NEK5: variants seen among roughly 807,000 people sequenced by gnomAD.
NEK5 encodes the protein serine/threonine-protein kinase Nek5.
NEK5 carries 88 observed loss-of-function variants against 109.2 expected under a neutral mutation model. That is an observed-to-expected ratio of 0.81 (90% CI 0.68 to 0.96). The LOEUF (loss-of-function observed/expected upper bound fraction) is 0.96. Among genes scored for constraint, NEK5 ranks in the 40% least tolerant of loss-of-function variants. The pLI is 0.00. For synonymous variants in NEK5, 283 were observed against 299.9 expected (o/e 0.94, Z 0.58); for missense variants, 834 against 920.7 (o/e 0.91, Z 1.22).
rs1201919281 is a variant in NEK5, at chr13:52,128,258, G to T, written c.-90-596C>A. Among the ~76,000 whole-genome samples the T allele has an allele frequency of 2.6e-5, 4 of 152,018 alleles. No individual in the cohort carries two copies. In the East Asian group the frequency reaches 7.7e-4, roughly 29 times the overall value. On this transcript the variant is annotated intron_variant, in intron 1 of 23. Coordinates refer to ENST00000684899, the MANE Select transcript of NEK5 (RefSeq NM_001365552.1). ...GGCTTGATTGCACTTCGGTTTGGAG[G>T]TTTACCAAGAATTGTTCACCATTTG...
Position 52,083,261 on chromosome 13 carries a change from T to G in NEK5, c.1571A>C (p.Gln524Pro). 1 of 1,602,690 alleles carries G rather than the reference T, an allele frequency of 6.2e-7. No individual in the cohort carries two copies. ...ACATCTGATCATAGCCATCATTACC[T>G]GCACAGGTGCTTCTCCCTCAGATGC... Reference protein sequence around the residue: ...QDASEGEAPVQDIEKDLKQMR... With the variant: ...QDASEGEAPVPDIEKDLKQMR... The change falls in exon 17 of 24, where the codon CAG becomes CCG. Residue 524 changes from glutamine (Q) to proline (P), a missense_variant and splice_region_variant. By Grantham distance (76) the Gln-to-Pro change is moderately conservative. This residue lies in a region of NEK5 where 777 missense variants were observed against 824.7 expected (regional missense o/e 0.94). Transcript: ENST00000684899.
chr13:52,064,270 T>A (rs1466749057), intron 21 of NEK5, among the ~76,000 whole-genome samples: 1 of 111,354 alleles, frequency 9.0e-6, no homozygotes, highest in Non-Finnish European at 1.8e-5. Context: ...GTCCGGGAGG[T>A]GAGGGGCGCC....
chr13:52,039,531 G>C (rs1050039030), intron 23 of NEK5, among the ~76,000 whole-genome samples: 1 of 152,250 alleles, frequency 6.6e-6, no homozygotes, highest in East Asian at 1.9e-4. Flanking sequence ...TTATTTCCCA[G>C]ATATGATGAT....
At chr13:52,123,663 A>C (rs143870624) in intron 3 of NEK5, among the ~76,000 whole-genome samples, 1 of 152,304 alleles carries the variant, frequency 6.6e-6, no homozygotes, top group Non-Finnish European at 1.5e-5. Context: ...CGGTCCTCAC[A>C]GAACATATTA....
intron 17 of NEK5, among the ~76,000 whole-genome samples, chr13:52,080,723 T>C (rs374382847): frequency 0.012 from 1,762 of 152,056 alleles, 22 homozygotes; most frequent in East Asian, 0.07. Context: ...CACCACTCCC[T>C]AATCTCAAGT....
intron 7 of NEK5, among the ~76,000 whole-genome samples, chr13:52,110,032 T>C (rs1955727667): frequency 6.6e-6 from 1 of 152,234 alleles, no homozygotes; most frequent in South Asian, 2.1e-4. Context: ...AGAGTTTGAC[T>C]TTTTTCATTA....
intron 22 of NEK5, among the ~76,000 whole-genome samples, chr13:52,057,868 A>C (rs1235549806): frequency 6.6e-6 from 1 of 151,594 alleles, no homozygotes; most frequent in Admixed American, 6.6e-5. Flanking sequence ...AAAAACTGGA[A>C]GCATTCCCTT....
chr13:52,052,084 G>A (rs990002961), intron 22 of NEK5, among the ~76,000 whole-genome samples: 4 of 151,954 alleles, frequency 2.6e-5, no homozygotes, highest in African/African-American at 9.7e-5. Flanking sequence ...TGACCTGGAA[G>A]CCCTCCCCCC....
chr13:52,057,749 C>A (rs981711679), intron 22 of NEK5, among the ~76,000 whole-genome samples: 1 of 152,152 alleles, frequency 6.6e-6, no homozygotes, highest in African/African-American at 2.4e-5. Flanking sequence ...CAAAATTCAA[C>A]AACCCTTCAT....
chr13:52,112,117 C>T, intron 5 of NEK5, 151 bp downstream of exon 5: 1 of 444,810 alleles, frequency 2.2e-6, no homozygotes, highest in Non-Finnish European at 4.0e-6. Context: ...ACTGAATCTA[C>T]CAAGAATATT....
chr13:52,121,948 T>C (rs897554270), intron 3 of NEK5, among the ~76,000 whole-genome samples: 8 of 152,062 alleles, frequency 5.3e-5, no homozygotes, highest in Non-Finnish European at 7.4e-5. Context: ...TTTTTTTTTT[T>C]TTAAGACAGA....
chr13:52,079,075 T>C (rs960421920), intron 17 of NEK5, among the ~76,000 whole-genome samples: 2 of 152,180 alleles, frequency 1.3e-5, no homozygotes, highest in African/African-American at 4.8e-5. Flanking sequence ...TTGGAAATGC[T>C]GTGGAAATAC....
chr13:52,043,293 C>T (rs971540565), intron 23 of NEK5, among the ~76,000 whole-genome samples: 3 of 151,836 alleles, frequency 2.0e-5, no homozygotes, highest in African/African-American at 4.8e-5. Flanking sequence ...AATCCCAGCA[C>T]TTTGGGAGGC....
intron 15 of NEK5, among the ~76,000 whole-genome samples, 176 bp from the exon 16 acceptor site, chr13:52,086,539 G>C (rs1056406666): frequency 4.6e-5 from 7 of 152,336 alleles, no homozygotes; most frequent in African/African-American, 1.7e-4. Flanking sequence ...CACTCCCTGT[G>C]AGACAGTGGC....
At chr13:52,100,386 C>CA (rs1273432141) in intron 11 of NEK5, among the ~76,000 whole-genome samples, 1 of 152,156 alleles carries the variant, frequency 6.6e-6, no homozygotes, top group Non-Finnish European at 1.5e-5. Context: ...CTCAGCCACC[C>CA]AAGGAGCTGG....
intron 23 of NEK5, 44 bp downstream of exon 23, chr13:52,050,060 T>C (rs1429390390): frequency 1.4e-6 from 1 of 718,994 alleles, no homozygotes; most frequent in African/African-American, 1.9e-5. Flanking sequence ...CATTTTCACT[T>C]TGTACCAGTG....
intron 22 of NEK5, among the ~76,000 whole-genome samples, chr13:52,057,513 CA>C (rs1593922463): frequency 6.6e-6 from 1 of 152,196 alleles, no homozygotes; most frequent in East Asian, 1.9e-4. Flanking sequence ...AATTTTAGAC[CA>C]ATATCCTTGA....
rs554736854 is a variant in NEK5 at position 52,057,046 on chromosome 13, G to A, written c.2110+4773C>T. Among the ~76,000 whole-genome samples the A allele has an allele frequency of 2.6e-4, 39 of 152,120 alleles. 2 individuals carry two copies. In the East Asian group the frequency reaches 6.0e-3, roughly 23 times the overall value. ...AAAGGATCAACAAAATTGATAAACC[G>A]CTAGCAAGACTAATAAAGAAAAAAA... On this transcript the variant is annotated intron_variant, in intron 22 of 23. Coordinates refer to ENST00000684899, the MANE Select transcript of NEK5 (RefSeq NM_001365552.1).
chr13:52,125,693 G>A (rs1018584919), intron 3 of NEK5, among the ~76,000 whole-genome samples: 2 of 152,130 alleles, frequency 1.3e-5, no homozygotes, highest in Non-Finnish European at 2.9e-5. Flanking sequence ...CACTGAAGTG[G>A]GGCAGTTTAG....
Sources: allele counts gnomAD v4.1 joint callset (sites outside exome capture counted in the v4.1 genomes callset), GRCh38; gene constraint gnomAD v4.1.1; regional missense constraint gnomAD v4.1.1; transcripts MANE v1.5; gene names NCBI Gene and HGNC (gene_info 2026-07-23, HGNC 2026-07-21).